The following KIF5C variants were observed in gnomAD, a reference collection of about 807,000 sequenced individuals.
KIF5C encodes the protein kinesin family member 5C.
KIF5C carries 18 observed loss-of-function variants against 125.2 expected under a neutral mutation model. The observed-to-expected ratio is 0.14, with a 90% CI of 0.10 to 0.21. KIF5C has a LOEUF of 0.21. Among genes scored for constraint, KIF5C ranks in the 10% least tolerant of loss-of-function variants. KIF5C has a pLI of 1.00. For missense variants in KIF5C, 780 were observed against 1,183.8 expected (o/e 0.66, Z 5.01); for synonymous variants, 405 against 434.0 (o/e 0.93, Z 0.83).
chr2:148,908,061 T>C (rs1681186690), intron 1 of KIF5C, among the ~76,000 whole-genome samples: 1 of 152,258 alleles, frequency 6.6e-6, no homozygotes, highest in Non-Finnish European at 1.5e-5. Flanking sequence ...AGCCTGGATT[T>C]TCTTTTGTTT....
intron 1 of KIF5C, among the ~76,000 whole-genome samples, chr2:148,917,033 C>G (rs1326436305): frequency 6.6e-6 from 1 of 152,218 alleles, no homozygotes; most frequent in Non-Finnish European, 1.5e-5. Flanking sequence ...CTTTCCATAG[C>G]AAGCCTTGCA....
At chr2:149,021,223 G>A (rs1030819565) in intron 25 of KIF5C, among the ~76,000 whole-genome samples, 1 of 151,848 alleles carries the variant, frequency 6.6e-6, no homozygotes. Context: ...CCACCATGCC[G>A]GGCTAATTTT....
chr2:148,907,183 C>T (rs1574717776), intron 1 of KIF5C, among the ~76,000 whole-genome samples: 1 of 151,536 alleles, frequency 6.6e-6, no homozygotes, highest in African/African-American at 2.4e-5. Context: ...TTGCTGCTGT[C>T]CTGTGAAGCT....
At chr2:148,985,250 G>C (rs904498938) in intron 15 of KIF5C, among the ~76,000 whole-genome samples, 17 of 152,082 alleles carry the variant, frequency 1.1e-4, no homozygotes, top group African/African-American at 4.1e-4. Context: ...ATATAGAAAG[G>C]CTATTGTTGT....
At chr2:148,934,532 TCACACACACAACACACACGCATACA>T (rs2105096109) in intron 3 of KIF5C, among the ~76,000 whole-genome samples, 1 of 145,984 alleles carries the variant, frequency 6.9e-6, no homozygotes, top group Non-Finnish European at 1.5e-5. Flanking sequence ...CCCACATATA[TCACACACACAACACACACGCATACA>T]CACACACACA....
chr2:148,888,124 T>G (rs747108416), intron 1 of KIF5C, among the ~76,000 whole-genome samples: 4 of 152,196 alleles, frequency 2.6e-5, no homozygotes, highest in Non-Finnish European at 5.9e-5. Context: ...AGAGGTGGCA[T>G]GCTGCCTGCC....
chr2:148,910,793 A>G lies in KIF5C; in HGVS notation c.127-11344A>G, dbSNP rs988162070. Among the ~76,000 whole-genome samples, 4 of 152,226 alleles carry G rather than the reference A, an allele frequency of 2.6e-5. No individual in the cohort carries two copies. In the South Asian group the frequency reaches 8.3e-4, roughly 31 times the overall value. Reference sequence around the variant, plus strand: ...CATTGGAGAAAAGACAGACAAGTGGATCACTTAGAAGGCCCTTGTACAAGT... The same window carrying G: ...CATTGGAGAAAAGACAGACAAGTGGGTCACTTAGAAGGCCCTTGTACAAGT... On this transcript the variant is annotated intron_variant, in intron 1 of 25. Transcript: ENST00000435030.
At chr2:148,909,836 A>G (rs911568207) in intron 1 of KIF5C, among the ~76,000 whole-genome samples, 1 of 152,198 alleles carries the variant, frequency 6.6e-6, no homozygotes, top group Non-Finnish European at 1.5e-5. Context: ...AATGGTGGGA[A>G]ATCATGAGCT....
At chr2:148,895,291 C>A (rs954984693) in intron 1 of KIF5C, among the ~76,000 whole-genome samples, 1 of 152,092 alleles carries the variant, frequency 6.6e-6, no homozygotes, top group Non-Finnish European at 1.5e-5. Context: ...GTGTGCACCA[C>A]CACGCCCGGC....
chr2:148,922,306 C>A, intron 2 of KIF5C, 79 bp downstream of exon 2: 2 of 906,620 alleles, frequency 2.2e-6, no homozygotes, highest in Non-Finnish European at 3.4e-6. Flanking sequence ...GCCTAGGAAT[C>A]AATGTGCCTT....
chr2:149,002,955 T>C (rs551673724), intron 21 of KIF5C, among the ~76,000 whole-genome samples: 1 of 152,266 alleles, frequency 6.6e-6, no homozygotes, highest in African/African-American at 2.4e-5. Flanking sequence ...GCTCGTCCGT[T>C]CTCTCTCCCA....
chr2:148,952,992 A>C (rs1682703739), intron 10 of KIF5C, among the ~76,000 whole-genome samples: 2 of 152,220 alleles, frequency 1.3e-5, no homozygotes, highest in Admixed American at 1.3e-4. Flanking sequence ...AATTAGAATT[A>C]CATTTTGGGA....
chr2:148,997,531 C>A, intron 18 of KIF5C, 191 bp downstream of exon 18: 1 of 1,020,330 alleles, frequency 9.8e-7, no homozygotes, highest in Non-Finnish European at 1.4e-6. Context: ...CCAGAAACCC[C>A]AAGATGTCTG....
intron 1 of KIF5C, among the ~76,000 whole-genome samples, chr2:148,882,351 G>A (rs74814624): frequency 0.019 from 2,909 of 152,270 alleles, 83 homozygotes; most frequent in African/African-American, 0.06. Flanking sequence ...TCCACGGCAG[G>A]CATCCAGATA....
chr2:148,875,875 T>C, intron 1 of KIF5C, 132 bp downstream of exon 1: 1 of 1,260,546 alleles, frequency 7.9e-7, no homozygotes, highest in Non-Finnish European at 1.1e-6. Context: ...CGGGTGGACC[T>C]GACCAGAGAC....
At chr2:149,004,844 C>A (rs148110569) in intron 21 of KIF5C, among the ~76,000 whole-genome samples, 1 of 152,234 alleles carries the variant, frequency 6.6e-6, no homozygotes, top group African/African-American at 2.4e-5. Context: ...AGATAACTTG[C>A]CCAGGGCCAC....
intron 14 of KIF5C, 128 bp downstream of exon 14, chr2:148,981,689 T>C: frequency 7.2e-7 from 1 of 1,398,230 alleles, no homozygotes. Context: ...AGATGCATTC[T>C]CTGAGGTCCC....
intron 25 of KIF5C, 29 bp from the exon 26 acceptor site, chr2:149,023,049 A>C (rs1002842525): frequency 6.6e-6 from 1 of 152,098 alleles, no homozygotes; most frequent in African/African-American, 2.4e-5. Context: ...TCTAATTCCT[A>C]TGTTCTCTCT....
At chr2:148,949,795 TCTG>T in intron 8 of KIF5C, 41 bp from the exon 9 acceptor site, 1 of 1,589,042 alleles carries the variant, frequency 6.3e-7, no homozygotes, top group Non-Finnish European at 8.6e-7. Context: ...ACTTTGTGCT[TCTG>T]CCGTCCTGTG....
Sources: allele counts gnomAD v4.1 joint callset (sites outside exome capture counted in the v4.1 genomes callset), GRCh38; gene constraint gnomAD v4.1.1; transcripts MANE v1.5; gene names NCBI Gene and HGNC (gene_info 2026-07-23, HGNC 2026-07-21).